Variants in SUGCT observed in about 807,000 individuals in gnomAD.
SUGCT encodes succinyl-CoA:glutarate CoA-transferase.
Under a neutral mutation model 55.0 loss-of-function variants are expected in SUGCT, and 41 were observed. The observed-to-expected ratio is 0.74, with a 90% CI of 0.58 to 0.97. The LOEUF (loss-of-function observed/expected upper bound fraction) is 0.97, where lower values mean the gene tolerates loss of function less well. Among genes scored for constraint, SUGCT ranks in the 50% least tolerant of loss-of-function variants. The pLI, the probability that SUGCT is intolerant of heterozygous loss-of-function variation, is 0.00. For missense variants in SUGCT, 568 were observed against 547.8 expected (o/e 1.04, Z -0.37); for synonymous variants, 187 against 200.4 (o/e 0.93, Z 0.56).
intron 12 of SUGCT, among the ~76,000 whole-genome samples, chr7:40,743,986 A>G (rs1018665409): frequency 6.6e-6 from 1 of 152,124 alleles, no homozygotes; most frequent in Admixed American, 6.5e-5. Context: ...CAGTAGCACA[A>G]TCTTGACTCA....
the SUGCT span, among the ~76,000 whole-genome samples, chr7:41,027,910 C>T: frequency 2.0e-5 from 3 of 152,148 alleles, no homozygotes; most frequent in African/African-American, 7.2e-5. Context: ...CAGATGTCAT[C>T]CCAGCAGACG....
At chr7:40,412,100 C>T (rs1786729698) in intron 9 of SUGCT, among the ~76,000 whole-genome samples, 1 of 152,126 alleles carries the variant, frequency 6.6e-6, no homozygotes, top group Non-Finnish European at 1.5e-5. Context: ...ATGTAAATGA[C>T]TTCTTGTTCA....
intron 7 of SUGCT, among the ~76,000 whole-genome samples, chr7:40,250,768 C>G (rs918575583): frequency 6.6e-6 from 1 of 150,476 alleles, no homozygotes; most frequent in Non-Finnish European, 1.5e-5. Context: ...ACTAAAAGAT[C>G]CTGTGGGGGT....
rs67396482 is a variant in SUGCT, at chr7:40,205,640, C to CA, written c.484+10602dup. Among the ~76,000 whole-genome samples the CA allele has an allele frequency of 5.8e-3, 447 of 77,146 alleles. 2 individuals are homozygous for CA. The highest frequency in any genetic ancestry group is 6.7e-3 in the Non-Finnish European group (264 of 39,682). 50.6% of individuals were successfully genotyped at this position (77,146 alleles called of 152,430 possible). A position where few individuals can be genotyped will look rare whatever the true frequency, so the allele number is the denominator to read the frequency against. ...TGGGTGACAGAGCAAAACTTCATCT[C>CA]AAAAAAAAAAAAAAAAAAAAAAGAA... On this transcript the variant is annotated intron_variant, in intron 6 of 13. Transcript: ENST00000335693.
chr7:40,749,013 G>T (rs568685017), intron 12 of SUGCT, among the ~76,000 whole-genome samples: 29 of 152,268 alleles, frequency 1.9e-4, no homozygotes, highest in Admixed American at 1.6e-3. Context: ...ATTTCCAGGA[G>T]CATGTGTACC....
At chr7:40,839,950 G>A (rs1793192327) in intron 13 of SUGCT, among the ~76,000 whole-genome samples, 1 of 151,966 alleles carries the variant, frequency 6.6e-6, no homozygotes. Flanking sequence ...GAAGAGGAGA[G>A]CATCCCAAAT....
intron 13 of SUGCT, among the ~76,000 whole-genome samples, chr7:40,762,186 G>T (rs939991844): frequency 1.3e-5 from 2 of 152,228 alleles, no homozygotes; most frequent in Non-Finnish European, 2.9e-5. Context: ...ACTATCCTGG[G>T]ATCTAAAGAA....
chr7:40,633,776 G>A lies in SUGCT; in HGVS notation c.1090-115658G>A, dbSNP rs76420470. On this transcript the variant is annotated intron_variant, in intron 12 of 13. Transcript: ENST00000335693. ...GAATACAATGTGTGTGATTTTCTAC[G>A]TATCTTCTGGTTTTGCATAAATATA... 7.2e-3 allele frequency among the ~76,000 whole-genome samples: 1,103 copies of A among 152,212 alleles called. 18 individuals carry two copies. The highest frequency in any genetic ancestry group is 0.024 in the African/African-American group (1,016 of 41,532).
chr7:40,440,459 C>G (rs1788455095), intron 9 of SUGCT, among the ~76,000 whole-genome samples: 1 of 152,064 alleles, frequency 6.6e-6, no homozygotes, highest in Non-Finnish European at 1.5e-5. Context: ...TTGCACCCAG[C>G]CAAGTTTTTA....
chr7:40,205,581 C>T (rs1266959943), intron 6 of SUGCT, among the ~76,000 whole-genome samples: 1 of 138,650 alleles, frequency 7.2e-6, no homozygotes, highest in Non-Finnish European at 1.5e-5. Context: ...GCGGAGATTG[C>T]AGTGAGCTGA....
the SUGCT span, among the ~76,000 whole-genome samples, chr7:40,896,470 T>C: frequency 2.0e-5 from 3 of 152,128 alleles, no homozygotes; most frequent in Non-Finnish European, 2.9e-5. Flanking sequence ...CCACGTGTTG[T>C]GGGAGGGAAC....
rs894003022 is a variant in SUGCT, at chr7:40,303,973, CG to C, written c.721-12784del. Among the ~76,000 whole-genome samples the C allele has an allele frequency of 2.0e-5, 3 of 148,330 alleles. No homozygotes were observed. In the Admixed American group the frequency reaches 2.1e-4, roughly 10 times the overall value. On this transcript the variant is annotated intron_variant, in intron 8 of 13. Coordinates refer to ENST00000335693, the MANE Select transcript of SUGCT (RefSeq NM_001193313.2). ...TAGCCAGAAATCGGCTAATTGAACT[CG>C]GGAGGTGGAGGTTGCAGTAAGCTGA... is the stretch of plus-strand genomic sequence containing the variant.
At chr7:40,386,146 T>TA (rs1785116528) in intron 9 of SUGCT, among the ~76,000 whole-genome samples, 1 of 152,170 alleles carries the variant, frequency 6.6e-6, no homozygotes, top group Non-Finnish European at 1.5e-5. Context: ...TTAGAACTGT[T>TA]ACTGTAGAAG....
At chr7:40,375,252 A>T (rs1454868227) in intron 9 of SUGCT, among the ~76,000 whole-genome samples, 4 of 152,186 alleles carry the variant, frequency 2.6e-5, no homozygotes, top group Admixed American at 6.5e-5. Context: ...GTGTTTTATC[A>T]GTAACACAAT....
At chr7:40,243,541 A>G (rs527556441) in intron 7 of SUGCT, among the ~76,000 whole-genome samples, 1 of 151,722 alleles carries the variant, frequency 6.6e-6, no homozygotes, top group African/African-American at 2.4e-5. Flanking sequence ...ACATTGGAAA[A>G]CTCATGAGTT....
chr7:41,034,077 C>T, the SUGCT span, among the ~76,000 whole-genome samples: 1 of 152,150 alleles, frequency 6.6e-6, no homozygotes, highest in African/African-American at 2.4e-5. Context: ...AACTGTTTTG[C>T]TTAGGATAAC....
chr7:40,361,252 C>A (rs1420028096), intron 9 of SUGCT, among the ~76,000 whole-genome samples: 1 of 151,998 alleles, frequency 6.6e-6, no homozygotes, highest in Non-Finnish European at 1.5e-5. Flanking sequence ...AGGATACCAA[C>A]AAAGCACAGG....
chr7:40,767,001 T>C (rs1278172659), intron 13 of SUGCT, among the ~76,000 whole-genome samples: 2 of 152,164 alleles, frequency 1.3e-5, no homozygotes, highest in African/African-American at 2.4e-5. Context: ...TGATGATGAT[T>C]ACATAACAGC....
the SUGCT span, among the ~76,000 whole-genome samples, chr7:40,988,643 A>G: frequency 6.6e-6 from 1 of 152,200 alleles, no homozygotes; most frequent in Non-Finnish European, 1.5e-5. Flanking sequence ...TATGTGCTCT[A>G]CATGTAATTT....
Sources: gnomAD v4.1 joint callset for allele counts (sites outside exome capture counted in the v4.1 genomes callset) on GRCh38, gnomAD v4.1.1 for gene constraint, MANE v1.5 for transcripts, NCBI Gene and HGNC (gene_info 2026-07-23, HGNC 2026-07-21) for gene names.